The following PRDM15 variants were observed in gnomAD, a reference collection of about 807,000 sequenced individuals.
PRDM15 encodes the protein PR domain zinc finger protein 15.
A neutral mutation model predicts 128.6 loss-of-function variants in PRDM15; 64 were observed. The observed-to-expected ratio is 0.50, with a 90% CI of 0.41 to 0.61. PRDM15 has a LOEUF of 0.61. Ranked by LOEUF, PRDM15 falls within the 20% of genes least tolerant of loss-of-function variation. The pLI is 0.00. For missense variants in PRDM15, 1,242 were observed against 1,569.1 expected (o/e 0.79, Z 3.52); for synonymous variants, 615 against 621.8 (o/e 0.99, Z 0.16).
In PRDM15 at chr21:41,801,167, A is replaced by G. The variant is rs894004133; in HGVS notation, c.*73T>C. 9 of 1,489,740 alleles carry G rather than the reference A, an allele frequency of 6.0e-6. No homozygotes were observed. Among genetic ancestry groups the G allele is most frequent in the East Asian group, 2.3e-5 (1 of 43,630 alleles). The allele number at this position is 1,489,740 out of a possible 1,614,324, so 92.3% of individuals were successfully genotyped here. ...ATGTATGACTTTTTGTTTGTTTGGT[A>G]TCCAGCAAACACATCTAAACAAATC... is the stretch of plus-strand genomic sequence containing the variant. On this transcript the variant is annotated 3_prime_UTR_variant, in exon 24 of 24. Coordinates refer to ENST00000398548, the MANE Select transcript of PRDM15 (RefSeq NM_001040424.3).
intron 1 of PRDM15, chr21:41,861,543 CA>C: frequency 6.4e-7 from 1 of 1,572,512 alleles, no homozygotes. Flanking sequence ...TGCCCCCCCC[CA>C]ATCCCCAACT....
Position 41,835,464 on chromosome 21 carries a change from C to T in PRDM15, c.1339G>A (p.Ala447Thr), listed in dbSNP as rs376443140. Residue 447 changes from alanine to threonine, a missense_variant, in exon 11 of 24, where the codon GCG (alanine) becomes ACG (threonine). Physicochemically the swap from Ala to Thr is moderately conservative, Grantham distance 58. This residue lies in a region of PRDM15 where 612 missense variants were observed against 717.0 expected (regional missense o/e 0.85). Transcript: ENST00000398548. ...TCEKTFRIESALEFHNCRTDD... is the reference protein window; with the variant it reads ...TCEKTFRIESTLEFHNCRTDD... ...GTCCTGCAGTTGTGGAACTCCAGCG[C>T]GCTCTCGATGCGGAAGGTCTTCTCA... 2.7e-5 allele frequency: 43 copies of T among 1,610,016 alleles called. No individual in the cohort carries two copies. The highest frequency in any genetic ancestry group is 1.6e-4 in the South Asian group (15 of 91,080).
rs940427662 is a variant in PRDM15, at chr21:41,862,628, G to T, written c.-9-2256C>A. Among the ~76,000 whole-genome samples, 1 of 152,144 alleles carries T rather than the reference G, an allele frequency of 6.6e-6. No homozygotes were observed. The highest frequency in any genetic ancestry group is 2.4e-5 in the African/African-American group (1 of 41,420). On this transcript the variant is annotated intron_variant, in intron 1 of 23. Transcript: ENST00000398548. This position sits in a 1 kb window ranked among gnomAD's most constrained non-coding sequence, Gnocchi z 4.1. ...AGCAGCATCTGGTCCCCAAAATGAG[G>T]CCTCTCTAAAACGGCTCCTCTGGGC...
intron 1 of PRDM15, among the ~76,000 whole-genome samples, chr21:41,878,218 G>C (rs2064489608): frequency 6.6e-6 from 1 of 152,246 alleles, no homozygotes; most frequent in African/African-American, 2.4e-5. Flanking sequence ...TTAAGCCAAT[G>C]TGGTTTTTTT....
At chr21:41,845,914 G>A (rs983282729) in intron 6 of PRDM15, among the ~76,000 whole-genome samples, 2 of 152,160 alleles carry the variant, frequency 1.3e-5, no homozygotes, top group Non-Finnish European at 2.9e-5. Context: ...GGGTCTCCAT[G>A]AGGTCCGGGG....
rs577707995 is a variant in PRDM15, at chr21:41,810,465, G to A, written c.2477-136C>T. 786 of 988,868 alleles carry A rather than the reference G, an allele frequency of 7.9e-4. 7 individuals carry two copies. Among genetic ancestry groups the A allele is most frequent in the Non-Finnish European group, 1.0e-3 (689 of 672,384 alleles). The allele number at this position is 988,868 out of a possible 1,614,324, so 61.3% of individuals were successfully genotyped here. ...ACGCCCCGCCCATCCTGAGAGGGCC[G>A]GTGCTGGTCCCCGAGCACACATGAG... On this transcript the variant is annotated intron_variant, in intron 20 of 23. Coordinates refer to ENST00000398548, the MANE Select transcript of PRDM15 (RefSeq NM_001040424.3). The surrounding 1 kb of genome is among the most constrained non-coding windows in gnomAD (Gnocchi z 6.4).
chr21:41,855,097 C>T (rs748940367), intron 4 of PRDM15, among the ~76,000 whole-genome samples: 2 of 152,304 alleles, frequency 1.3e-5, no homozygotes, highest in Admixed American at 6.5e-5. Flanking sequence ...ACTCACGGCC[C>T]AGGTGCGGAA....
chr21:41,855,431 T>A (rs1359578291), intron 4 of PRDM15, among the ~76,000 whole-genome samples: 2 of 152,324 alleles, frequency 1.3e-5, no homozygotes, highest in East Asian at 3.9e-4. Flanking sequence ...GAGGGTTTTG[T>A]TCCTTATTTT....
At chr21:41,808,428 C>T (rs1165985022) in intron 21 of PRDM15, among the ~76,000 whole-genome samples, 1 of 152,202 alleles carries the variant, frequency 6.6e-6, no homozygotes. Context: ...TCCCTGGGAG[C>T]CTGATCGGGC....
chr21:41,823,047 AAG>A, intron 14 of PRDM15: 5 of 395,624 alleles, frequency 1.3e-5, no homozygotes, highest in Admixed American at 4.0e-5. Flanking sequence ...AAAAAAAAAA[AAG>A]AATGGGATTT....
chr21:41,801,320 G>A lies in PRDM15; in HGVS notation c.3346C>T (p.Gln1116Ter). The change falls in exon 24 of 24, where the codon CAG (glutamine) becomes TAG (stop). Residue 1116 changes from glutamine to a stop codon, truncating the protein, a stop_gained. Transcript: ENST00000398548. LOFTEE classifies it high-confidence loss of function. ...VPQTDVLPPSQPQAPPQQAAQ... is the reference protein window; with the variant it reads ...VPQTDVLPPS ...GCCTGCTGTGGGGGTGCCTGCGGCT[G>A]CGAGGGTGGCAAGACGTCAGTCTGG... 1 of 1,579,914 alleles carries A rather than the reference G, an allele frequency of 6.3e-7. No individual in the cohort carries two copies. The highest frequency in any genetic ancestry group is 1.2e-5 in the South Asian group (1 of 85,584).
intron 11 of PRDM15, chr21:41,834,578 G>C (rs1568950160): frequency 6.5e-7 from 1 of 1,547,124 alleles, no homozygotes; most frequent in Non-Finnish European, 8.7e-7. Context: ...GAGAGAGGGG[G>C]ACACAAAGGC....
At chr21:41,855,701 C>T (rs1039073997) in intron 4 of PRDM15, among the ~76,000 whole-genome samples, 1 of 152,194 alleles carries the variant, frequency 6.6e-6, no homozygotes, top group Non-Finnish European at 1.5e-5. Context: ...TTCAGAATCG[C>T]GTAGCTGAAG....
intron 1 of PRDM15, among the ~76,000 whole-genome samples, chr21:41,877,095 C>T (rs2064444739): frequency 6.6e-6 from 1 of 152,110 alleles, no homozygotes; most frequent in African/African-American, 2.4e-5. Flanking sequence ...CCACCATCTG[C>T]CTGGTGGGGG....
At chr21:41,875,468 G>C (rs1601508281) in intron 1 of PRDM15, among the ~76,000 whole-genome samples, 1 of 152,340 alleles carries the variant, frequency 6.6e-6, no homozygotes, top group South Asian at 2.1e-4. Context: ...GTTCATCCCT[G>C]TTTTAAACAG....
intron 11 of PRDM15, among the ~76,000 whole-genome samples, chr21:41,830,433 A>G (rs2062647023): frequency 6.6e-6 from 1 of 151,672 alleles, no homozygotes; most frequent in Admixed American, 6.6e-5. Flanking sequence ...TATCACACAC[A>G]CCAAATACAC....
At position 41,801,465 on chromosome 21, in the gene PRDM15, C is replaced by A. The variant is rs766824100; in HGVS notation, c.3201G>T (p.Pro1067=). ...RQNDVQIHPQ[P]EASNPQSVAH... ...CCACAGACTGTGGGTTCGAGGCTTC[C>A]GGCTGGGGGTGGATCTGGACGTCAT... The change falls in exon 24 of 24, where the codon CCG becomes CCT. Residue 1067 remains proline (P), a synonymous_variant. Coordinates refer to ENST00000398548, the MANE Select transcript of PRDM15 (RefSeq NM_001040424.3). 6.2e-7 allele frequency: 1 copy of A among 1,614,008 alleles called. No homozygotes were observed. The highest frequency in any genetic ancestry group is 8.5e-7 in the Non-Finnish European group (1 of 1,180,024).
intron 11 of PRDM15, among the ~76,000 whole-genome samples, chr21:41,833,584 T>C (rs899392190): frequency 1.3e-5 from 2 of 152,364 alleles, no homozygotes; most frequent in East Asian, 3.9e-4. Context: ...AAATCATATA[T>C]TATGCAAACA....
At position 41,801,446 on chromosome 21, in the gene PRDM15, A is replaced by C; in HGVS notation, c.3220T>G (p.Ser1074Ala). ...GTCAGGTTGATGAAATGGGCCACAGACTGTGGGTTCGAGGCTTCCGGCTGG... is the reference window on the plus strand; with the variant it reads ...GTCAGGTTGATGAAATGGGCCACAGCCTGTGGGTTCGAGGCTTCCGGCTGG... Reference protein sequence around the residue: ...HPQPEASNPQSVAHFINLTTL... With the variant: ...HPQPEASNPQAVAHFINLTTL... The change falls in exon 24 of 24, where the codon TCT becomes GCT. Residue 1074 changes from serine to alanine, a missense_variant. Around this residue, in one of 3 missense-constraint regions of PRDM15, gnomAD observed 602 missense variants for 788.3 expected, o/e 0.76. Transcript: ENST00000398548. The C allele has an allele frequency of 6.2e-7, 1 of 1,614,092 alleles. No homozygotes were observed. The highest frequency in any genetic ancestry group is 8.5e-7 in the Non-Finnish European group (1 of 1,180,004).
Sources: allele counts gnomAD v4.1 joint callset (sites outside exome capture counted in the v4.1 genomes callset), GRCh38; gene constraint gnomAD v4.1.1; regional missense constraint gnomAD v4.1.1; non-coding constraint Gnocchi (gnomAD v3.1); transcripts MANE v1.5; gene names NCBI Gene and HGNC (gene_info 2026-07-23, HGNC 2026-07-21).